The following LENG8 variants were observed in gnomAD, a reference collection of about 807,000 sequenced individuals.
The protein encoded by LENG8 is leukocyte receptor cluster member 8.
A neutral mutation model predicts 102.1 loss-of-function variants in LENG8; 28 were observed. The observed-to-expected ratio is 0.27, with a 90% CI of 0.20 to 0.38. The LOEUF (loss-of-function observed/expected upper bound fraction) is 0.38, where lower values mean the gene tolerates loss of function less well. Among genes scored for constraint, LENG8 ranks in the 10% least tolerant of loss-of-function variants. The probability of loss-of-function intolerance (pLI) is 1.00; values close to 1 mark genes in which losing one functional copy is unlikely to be tolerated. For missense variants in LENG8, 1,022 were observed against 1,113.9 expected (o/e 0.92, Z 1.17); for synonymous variants, 531 against 456.7 (o/e 1.16, Z -2.07).
intron 1 of LENG8, among the ~76,000 whole-genome samples, chr19:54,450,498 C>T (rs922698020): frequency 1.3e-5 from 2 of 152,132 alleles, no homozygotes; most frequent in Non-Finnish European, 2.9e-5. Context: ...AAAGGCCTCC[C>T]TTTTCACAGA....
At chr19:54,449,396 CG>C (rs2083824186) in intron 1 of LENG8, 86 bp downstream of exon 1, 1 of 152,184 alleles carries the variant, frequency 6.6e-6, no homozygotes, top group East Asian at 1.9e-4. Context: ...CCTTCTCGGC[CG>C]TCGCAGCAGC....
intron 3 of LENG8, 152 bp from the exon 4 acceptor site, chr19:54,452,499 A>T (rs1055439840): frequency 4.2e-6 from 3 of 720,286 alleles, no homozygotes; most frequent in Middle Eastern, 3.6e-4. Context: ...AACGTGCGTG[A>T]GTCTCATGGT....
At chr19:54,449,751 C>T (rs968259027) in intron 1 of LENG8, 3 of 152,340 alleles carry the variant, frequency 2.0e-5, no homozygotes, top group African/African-American at 4.8e-5. Context: ...CCAGGTGCTC[C>T]CGGGACCTCA....
In LENG8 at chr19:54,457,794, G is replaced by A; in HGVS notation, c.1779G>A (p.Lys593=). ...LCMVKCHWKE[K]QDYAFACEQM... ...TGGTCAAGTGCCACTGGAAAGAGAA[G>A]CAGGACTACGCGTTTGCCTGCGAGC... Residue 593 remains lysine, a synonymous_variant, in exon 12 of 16, where the codon AAG becomes AAA. Coordinates refer to ENST00000326764, the MANE Select transcript of LENG8 (RefSeq NM_052925.4). 6.2e-7 allele frequency: 1 copy of A among 1,614,212 alleles called. No individual in the cohort carries two copies. The highest frequency in any genetic ancestry group is 1.3e-5 in the African/African-American group (1 of 75,058).
chr19:54,454,560 G>A lies in LENG8; in HGVS notation c.557G>A (p.Gly186Glu). ...ACGCTGAACAGTGGCCCTCAGCCTG[G>A]GACAGCTCCAGCCACACAGCACAGC... ...AHTLNSGPQP[G>E]TAPATQHSQA... is the part of the protein sequence containing the mutation. Residue 186 changes from glycine to glutamate, a missense_variant, in exon 6 of 16, where the codon GGG becomes GAG. By Grantham distance (98) the Gly-to-Glu change is moderately conservative (BLOSUM62 -2). Around this residue, in one of 7 missense-constraint regions of LENG8, gnomAD observed 343 missense variants for 320.2 expected, o/e 1.07. Transcript: ENST00000326764. 1 of 1,612,600 alleles carries A rather than the reference G, an allele frequency of 6.2e-7. No homozygotes were observed. Among genetic ancestry groups the A allele is most frequent in the Non-Finnish European group, 8.5e-7 (1 of 1,179,664 alleles).
At position 54,452,281 on chromosome 19, in the gene LENG8, A is replaced by G. The variant is rs376355148; in HGVS notation, c.213+14A>G. ...GCCAGTGCACAGGTGAGAAGGCCTC[A>G]TGGGGCTGGGGTACCCTGAGCCAGA... On this transcript the variant is annotated intron_variant, in intron 3 of 15. Coordinates refer to ENST00000326764, the MANE Select transcript of LENG8 (RefSeq NM_052925.4). 2,786 of 1,596,024 alleles carry G rather than the reference A, an allele frequency of 1.7e-3. 56 individuals carry two copies. In the South Asian group the frequency reaches 0.029, roughly 17 times the overall value.
Position 54,458,098 on chromosome 19 carries a change from TC to T in LENG8, c.1903-3del. ...CTCTCCTCCCTCGGTGCCTCTGCCT[TC>T]CAGGGTGACCATGAAGAGTTTAACC... On this transcript the variant is annotated splice_polypyrimidine_tract_variant and splice_region_variant and intron_variant, in intron 13 of 15. Transcript: ENST00000326764. The T allele has an allele frequency of 6.2e-7, 1 of 1,612,884 alleles. No individual in the cohort carries two copies. Among genetic ancestry groups the T allele is most frequent in the East Asian group, 2.2e-5 (1 of 44,876 alleles).
Position 54,455,979 on chromosome 19 carries a change from G to T in LENG8, c.1038G>T (p.Glu346Asp), listed in dbSNP as rs1599980995. The T allele has an allele frequency of 8.7e-6, 14 of 1,612,558 alleles. No homozygotes were observed. The East Asian group carries it at 3.1e-4, about 36-fold the overall frequency. Residue 346 changes from glutamate to aspartate, a missense_variant, in exon 9 of 16, where the codon GAG becomes GAT. This residue lies in a region of LENG8 where 326 missense variants were observed against 324.5 expected (regional missense o/e 1.00). Coordinates refer to ENST00000326764, the MANE Select transcript of LENG8 (RefSeq NM_052925.4). Reference protein sequence around the residue: ...SREPLPGLTREPVAESPKKKR... With the variant: ...SREPLPGLTRDPVAESPKKKR... ...GCTGTATTCTCAGGCTGACCCGGGA[G>T]CCTGTGGCTGAGAGCCCTAAGAAGA...
Position 54,454,954 on chromosome 19 carries a change from C to T in LENG8, c.683C>T (p.Ala228Val), listed in dbSNP as rs969210207. 6.2e-7 allele frequency: 1 copy of T among 1,614,188 alleles called. No individual in the cohort carries two copies. Among genetic ancestry groups the T allele is most frequent in the African/African-American group, 1.3e-5 (1 of 75,048 alleles). ...GQQLWNRMKP[A>V]PGTGGLKFNI... ...ATAGCTTTCGCTGCCCTCACAGCCG[C>T]CCCTGGGACTGGAGGTCTCAAGTTC... The change falls in exon 7 of 16, where the codon GCC becomes GTC. Residue 228 changes from alanine to valine, a missense_variant. By Grantham distance (64) the Ala-to-Val change is moderately conservative (BLOSUM62 0). This residue lies in a region of LENG8 where 343 missense variants were observed against 320.2 expected (regional missense o/e 1.07). Coordinates refer to ENST00000326764, the MANE Select transcript of LENG8 (RefSeq NM_052925.4).
chr19:54,456,627 C>A lies in LENG8; in HGVS notation c.1446-9C>A. 4.4e-6 allele frequency: 7 copies of A among 1,604,390 alleles called. No individual in the cohort carries two copies. Among genetic ancestry groups the A allele is most frequent in the Non-Finnish European group, 6.0e-6 (7 of 1,174,360 alleles). Reference sequence around the variant, plus strand: ...CCTGTCGCGCTCACTGCCCCTCATCCCTTCCTAGGCACGATCTGGCGCCCA... The same window carrying A: ...CCTGTCGCGCTCACTGCCCCTCATCACTTCCTAGGCACGATCTGGCGCCCA... On this transcript the variant is annotated splice_polypyrimidine_tract_variant and intron_variant, in intron 10 of 15. Coordinates refer to ENST00000326764, the MANE Select transcript of LENG8 (RefSeq NM_052925.4).
chr19:54,459,515 G>C (rs1389494131), intron 15 of LENG8: 2 of 988,408 alleles, frequency 2.0e-6, no homozygotes, highest in Non-Finnish European at 2.4e-6. Flanking sequence ...TTGAGAGCCT[G>C]GCCAGGTGGC....
At chr19:54,455,854 TG>T in intron 8 of LENG8, 112 bp from the exon 9 acceptor site, 1 of 1,183,130 alleles carries the variant, frequency 8.5e-7, no homozygotes, top group Non-Finnish European at 1.2e-6. Context: ...CTGAGCCGCC[TG>T]GGGTAAGTGC....
intron 1 of LENG8, among the ~76,000 whole-genome samples, chr19:54,450,205 C>T (rs1406480101): frequency 6.6e-6 from 1 of 152,172 alleles, no homozygotes; most frequent in Non-Finnish European, 1.5e-5. Context: ...GATCCCTTTT[C>T]TCTCCCAGCC....
chr19:54,455,916 C>A, intron 8 of LENG8, 51 bp from the exon 9 acceptor site: 2 of 1,565,950 alleles, frequency 1.3e-6, no homozygotes, highest in South Asian at 1.2e-5. Flanking sequence ...TGGCGGCTGT[C>A]CTGCCAGTGT....
rs1459676658 is a variant in LENG8, at chr19:54,455,380, G to A, written c.838G>A (p.Gly280Arg). The A allele has an allele frequency of 6.2e-7, 1 of 1,614,184 alleles. No individual in the cohort carries two copies. Residue 280 changes from glycine to arginine, a missense_variant, in exon 8 of 16, where the codon GGG becomes AGG. This residue lies in a region of LENG8 where 343 missense variants were observed against 320.2 expected (regional missense o/e 1.07). Coordinates refer to ENST00000326764, the MANE Select transcript of LENG8 (RefSeq NM_052925.4). The part of the protein sequence containing the change: ...VQNHSGSSAR[G>R]NLSGKPDDWP... ...CTCCCGCAGCGGGTCCTCTGCCCGG[G>A]GGAACCTGTCTGGGAAGCCGGATGA...
chr19:54,452,791 GAGTCTGCTGGGTCGGGGCGAGGTGA>G (rs1224850342), intron 4 of LENG8, 39 bp downstream of exon 4: 1 of 1,470,214 alleles, frequency 6.8e-7, no homozygotes, highest in Non-Finnish European at 9.5e-7. Flanking sequence ...GGGCGAGGTG[GAGTCTGCTGGGTCGGGGCGAGGTGA>G]AGTGGAGTCT....
At chr19:54,453,428 G>A (rs2084053583) in intron 4 of LENG8, 118 bp from the exon 5 acceptor site, 1 of 689,824 alleles carries the variant, frequency 1.4e-6, no homozygotes, top group East Asian at 2.7e-5. Flanking sequence ...TTAATATAGT[G>A]AAGAGAGAAA....
chr19:54,449,457 C>G (rs1011842871), intron 1 of LENG8, 147 bp downstream of exon 1: 1 of 152,146 alleles, frequency 6.6e-6, no homozygotes, highest in Non-Finnish European at 1.5e-5. Flanking sequence ...GGGGCAGCCA[C>G]TGCGCCTGCG....
chr19:54,457,780 C>T lies in LENG8; in HGVS notation c.1765C>T (p.His589Tyr), dbSNP rs1370234707. 2 of 1,614,126 alleles carry T rather than the reference C, an allele frequency of 1.2e-6. No individual in the cohort carries two copies. Among genetic ancestry groups the T allele is most frequent in the African/African-American group, 1.3e-5 (1 of 75,060 alleles). ...LKKSLCMVKC[H>Y]WKEKQDYAFA... ...AAAGTCGCTGTGCATGGTCAAGTGC[C>T]ACTGGAAAGAGAAGCAGGACTACGC... The change falls in exon 12 of 16, where the codon CAC becomes TAC. Residue 589 changes from histidine to tyrosine, a missense_variant. Coordinates refer to ENST00000326764, the MANE Select transcript of LENG8 (RefSeq NM_052925.4).
Sources: gnomAD v4.1 joint callset for allele counts (sites outside exome capture counted in the v4.1 genomes callset) on GRCh38, gnomAD v4.1.1 for gene constraint, gnomAD v4.1.1 regional missense constraint, MANE v1.5 for transcripts, NCBI Gene and HGNC (gene_info 2026-07-23, HGNC 2026-07-21) for gene names.